Variants in TSGA10 observed in about 807,000 individuals in gnomAD.
TSGA10 encodes the protein testis specific 10.
Under a neutral mutation model 96.6 loss-of-function variants are expected in TSGA10, and 43 were observed. That is an observed-to-expected ratio of 0.44 (90% CI 0.35 to 0.57). The LOEUF (loss-of-function observed/expected upper bound fraction) is 0.57. Ranked by LOEUF, TSGA10 falls within the 20% of genes least tolerant of loss-of-function variation. The pLI, the probability that TSGA10 is intolerant of heterozygous loss-of-function variation, is 0.01. For missense variants in TSGA10, 703 were observed against 834.4 expected (o/e 0.84, Z 1.94); for synonymous variants, 229 against 269.9 (o/e 0.85, Z 1.48).
intron 17 of TSGA10, among the ~76,000 whole-genome samples, chr2:99,033,362 A>G (rs1408561082): frequency 1.3e-5 from 2 of 152,220 alleles, no homozygotes; most frequent in East Asian, 3.8e-4. Flanking sequence ...CTAAAGGTGT[A>G]TCACTGGCCA....
At position 99,078,648 on chromosome 2, in the gene TSGA10, T is replaced by C. The variant is rs1325968538; in HGVS notation, c.882+11A>G. On this transcript the variant is annotated intron_variant, in intron 12 of 20. Coordinates refer to ENST00000393483, the MANE Select transcript of TSGA10 (RefSeq NM_025244.4). ...AAACGTTTCTTATAAACCACAGTTC[T>C]CAGAACATACTTTCATTGCCAAACT... 3 of 1,609,720 alleles carry C rather than the reference T, an allele frequency of 1.9e-6. No individual in the cohort carries two copies. The East Asian group carries it at 6.7e-5, about 36-fold the overall frequency.
intron 15 of TSGA10, among the ~76,000 whole-genome samples, chr2:99,068,552 C>G (rs2085536628): frequency 6.6e-6 from 1 of 152,116 alleles, no homozygotes; most frequent in African/African-American, 2.4e-5. Context: ...GCTACATAAT[C>G]AGGTGGAACC....
intron 10 of TSGA10, among the ~76,000 whole-genome samples, chr2:99,090,728 A>G (rs974400765): frequency 6.6e-6 from 1 of 152,184 alleles, no homozygotes; most frequent in Non-Finnish European, 1.5e-5. Context: ...AGACAAAGAA[A>G]AAAGAATTTT....
chr2:99,022,324 CAAAAAAAA>C (rs56381088), intron 17 of TSGA10, among the ~76,000 whole-genome samples: 1 of 43,910 alleles, frequency 2.3e-5, no homozygotes, highest in African/African-American at 7.1e-5. Context: ...GACCCTGTCT[CAAAAAAAA>C]AAAAAAAAAA....
chr2:99,118,581 T>C lies in TSGA10; in HGVS notation c.-386A>G, dbSNP rs964913938. 171 of 983,868 alleles carry C rather than the reference T, an allele frequency of 1.7e-4. No individual in the cohort carries two copies. Among genetic ancestry groups the C allele is most frequent in the Non-Finnish European group, 2.0e-4 (162 of 828,992 alleles). 60.9% of individuals were successfully genotyped at this position (983,868 alleles called of 1,614,324 possible). A position where few individuals can be genotyped will look rare whatever the true frequency, so the allele number is the denominator to read the frequency against. On this transcript the variant is annotated 5_prime_UTR_variant, in exon 3 of 21. It adds an upstream start codon to the 5' untranslated region. Coordinates refer to ENST00000393483, the MANE Select transcript of TSGA10 (RefSeq NM_025244.4). Reference sequence around the variant, plus strand: ...TAAGCTAAATATCAAATCAATCAAGTATTTGCTGCCTAATGTGGAGGAACA... The same window carrying C: ...TAAGCTAAATATCAAATCAATCAAGCATTTGCTGCCTAATGTGGAGGAACA...
chr2:99,120,023 T>G (rs577220231), intron 2 of TSGA10, among the ~76,000 whole-genome samples: 1 of 152,308 alleles, frequency 6.6e-6, no homozygotes, highest in East Asian at 1.9e-4. Context: ...TTCCAGTATG[T>G]GTGCCCATAA....
chr2:99,122,615 CAAA>C (rs148224475), intron 2 of TSGA10, among the ~76,000 whole-genome samples: 3 of 53,268 alleles, frequency 5.6e-5, no homozygotes, highest in Admixed American at 2.3e-4. Context: ...CCATCTCTAC[CAAA>C]AAAAAAAAAA....
At chr2:99,149,970 T>A (rs1330124469) in intron 1 of TSGA10, among the ~76,000 whole-genome samples, 1 of 151,882 alleles carries the variant, frequency 6.6e-6, no homozygotes, top group Non-Finnish European at 1.5e-5. Flanking sequence ...TTTTTGTATT[T>A]TTAGCAGAGA....
At chr2:99,020,234 A>G (rs774177154) in intron 18 of TSGA10, 46 bp downstream of exon 18, 1 of 1,538,638 alleles carries the variant, frequency 6.5e-7, no homozygotes, top group South Asian at 1.2e-5. Context: ...TAAAGTACCA[A>G]AAAATTAAGA....
intron 16 of TSGA10, among the ~76,000 whole-genome samples, chr2:99,047,238 C>G (rs1385713908): frequency 1.3e-5 from 2 of 152,156 alleles, no homozygotes; most frequent in Non-Finnish European, 2.9e-5. Flanking sequence ...CCAGCATCAT[C>G]CTGATACCAA....
At chr2:99,127,462 A>G (rs1400299963) in intron 1 of TSGA10, among the ~76,000 whole-genome samples, 2 of 152,154 alleles carry the variant, frequency 1.3e-5, no homozygotes, top group Non-Finnish European at 2.9e-5. Flanking sequence ...TAAAGAGTCT[A>G]CCTCTAGGCT....
intron 2 of TSGA10, among the ~76,000 whole-genome samples, chr2:99,122,042 C>G (rs1035050703): frequency 3.3e-5 from 5 of 152,208 alleles, no homozygotes; most frequent in Non-Finnish European, 5.9e-5. Context: ...CACTGAACTG[C>G]ATCTGCATCT....
chr2:99,050,182 C>CA (rs1028347432), intron 16 of TSGA10, among the ~76,000 whole-genome samples: 1 of 152,048 alleles, frequency 6.6e-6, no homozygotes, highest in Non-Finnish European at 1.5e-5. Context: ...GCTAACATAA[C>CA]AAAAATCTAT....
intron 20 of TSGA10, among the ~76,000 whole-genome samples, chr2:99,015,111 A>G (rs1472269993): frequency 6.6e-6 from 1 of 152,194 alleles, no homozygotes; most frequent in Non-Finnish European, 1.5e-5. Flanking sequence ...CAAGATAGAG[A>G]AAGACGGAAT....
chr2:99,080,833 A>G (rs1225258447), intron 11 of TSGA10, among the ~76,000 whole-genome samples: 1 of 152,152 alleles, frequency 6.6e-6, no homozygotes, highest in African/African-American at 2.4e-5. Context: ...TAAAAAAGTA[A>G]CTTTCTCTAT....
chr2:99,016,480 T>G (rs1355848452), intron 20 of TSGA10, among the ~76,000 whole-genome samples: 1 of 152,160 alleles, frequency 6.6e-6, no homozygotes, highest in South Asian at 2.1e-4. Context: ...TCTCTCACCT[T>G]ATAAAAAATC....
Position 99,041,125 on chromosome 2 carries a change from G to A in TSGA10, c.1405-5686C>T, listed in dbSNP as rs570737303. 1.1e-3 allele frequency among the ~76,000 whole-genome samples: 168 copies of A among 152,282 alleles called. 1 individual carries two copies. Among genetic ancestry groups the A allele is most frequent in the African/African-American group, 3.9e-3 (162 of 41,560 alleles). Reference sequence around the variant, plus strand: ...AAAGTTTTAGGTTATTAGCAAATTGGGTATCAGTTTAAGATTGTGAGGTCC... The same window carrying A: ...AAAGTTTTAGGTTATTAGCAAATTGAGTATCAGTTTAAGATTGTGAGGTCC... On this transcript the variant is annotated intron_variant, in intron 16 of 20. Coordinates refer to ENST00000393483, the MANE Select transcript of TSGA10 (RefSeq NM_025244.4).
At chr2:99,040,450 A>G (rs2082079278) in intron 16 of TSGA10, among the ~76,000 whole-genome samples, 1 of 152,180 alleles carries the variant, frequency 6.6e-6, no homozygotes, top group Non-Finnish European at 1.5e-5. Flanking sequence ...TCACTGCTAT[A>G]CACCAACAGT....
chr2:99,053,171 G>A (rs191426899), intron 16 of TSGA10, among the ~76,000 whole-genome samples: 1 of 152,018 alleles, frequency 6.6e-6, no homozygotes, highest in East Asian at 1.9e-4. Context: ...ATTCTACTAA[G>A]CATTTAAAGA....
Sources: gnomAD v4.1 joint callset for allele counts (sites outside exome capture counted in the v4.1 genomes callset) on GRCh38, gnomAD v4.1.1 for gene constraint, MANE v1.5 for transcripts, NCBI Gene and HGNC (gene_info 2026-07-23, HGNC 2026-07-21) for gene names.